Variants in GALNT1 observed in about 807,000 individuals in gnomAD.
GALNT1 encodes GalNAc transferase 1.
A neutral mutation model predicts 65.7 loss-of-function variants in GALNT1; 17 were observed. That is an observed-to-expected ratio of 0.26 (90% CI 0.18 to 0.39). The LOEUF is 0.39. Among genes scored for constraint, GALNT1 ranks in the 10% least tolerant of loss-of-function variants. The probability of loss-of-function intolerance (pLI) is 1.00; values close to 1 mark genes in which losing one functional copy is unlikely to be tolerated. For synonymous variants in GALNT1, 210 were observed against 219.7 expected (o/e 0.96, Z 0.39); for missense variants, 460 against 672.8 (o/e 0.68, Z 3.50).
intron 1 of GALNT1, among the ~76,000 whole-genome samples, chr18:35,584,975 CAAGAT>C (rs1401817545): frequency 1.3e-5 from 2 of 152,172 alleles, no homozygotes; most frequent in Middle Eastern, 3.4e-3. Context: ...GCTGTAGTCT[CAAGAT>C]AACTGGGGGT....
chr18:35,611,470 G>A (rs2046715954), intron 1 of GALNT1, among the ~76,000 whole-genome samples: 2 of 152,134 alleles, frequency 1.3e-5, no homozygotes, highest in Admixed American at 1.3e-4. Context: ...ATAATTTGCA[G>A]CAACCTTAGA....
At chr18:35,634,209 T>C (rs974582038) in intron 1 of GALNT1, among the ~76,000 whole-genome samples, 6 of 152,332 alleles carry the variant, frequency 3.9e-5, no homozygotes, top group East Asian at 3.9e-4. Flanking sequence ...AAGGAAAATA[T>C]GTTTTTCTCA....
chr18:35,588,429 T>TA (rs2046402821), intron 1 of GALNT1, among the ~76,000 whole-genome samples: 1 of 152,210 alleles, frequency 6.6e-6, no homozygotes, highest in African/African-American at 2.4e-5. Flanking sequence ...TTTGGGTTTA[T>TA]ACTGCTTGGG....
At chr18:35,656,887 G>A (rs1406382428) in intron 2 of GALNT1, among the ~76,000 whole-genome samples, 1 of 152,118 alleles carries the variant, frequency 6.6e-6, no homozygotes, top group Non-Finnish European at 1.5e-5. Flanking sequence ...AGATGGAGAG[G>A]AAATAAATAT....
At chr18:35,588,513 G>A (rs183122766) in intron 1 of GALNT1, among the ~76,000 whole-genome samples, 5 of 152,088 alleles carry the variant, frequency 3.3e-5, no homozygotes, top group African/African-American at 1.2e-4. Context: ...TTACTTTTTT[G>A]AGTACTTTTT....
intron 1 of GALNT1, chr18:35,591,853 G>C (rs1488883803): frequency 6.5e-6 from 1 of 154,408 alleles, no homozygotes; most frequent in Non-Finnish European, 1.5e-5. Flanking sequence ...AATGGAATCA[G>C]ATGGTCTCGT....
chr18:35,617,493 TAGAC>T (rs1394702315), intron 1 of GALNT1, among the ~76,000 whole-genome samples: 2 of 152,198 alleles, frequency 1.3e-5, no homozygotes, highest in African/African-American at 4.8e-5. Flanking sequence ...TATATAAAAG[TAGAC>T]AGAACAGTGA....
intron 9 of GALNT1, among the ~76,000 whole-genome samples, chr18:35,701,312 A>G (rs1342347687): frequency 6.6e-6 from 1 of 152,156 alleles, no homozygotes; most frequent in East Asian, 1.9e-4. Context: ...AGGCGATCCT[A>G]CTGTCTTGGC....
At chr18:35,669,927 A>T (rs1356068967) in intron 3 of GALNT1, among the ~76,000 whole-genome samples, 1 of 152,216 alleles carries the variant, frequency 6.6e-6, no homozygotes, top group Non-Finnish European at 1.5e-5. Flanking sequence ...GTTCATTAAA[A>T]TTTTATTATT....
In GALNT1 at chr18:35,639,400, A is replaced by C. The variant is rs538036567; in HGVS notation, c.-103-15160A>C. 2.0e-5 allele frequency among the ~76,000 whole-genome samples: 3 copies of C among 152,328 alleles called. No homozygotes were observed. The South Asian group carries it at 6.2e-4, about 32-fold the overall frequency. ...AAAATTTTTAAATTAAGGTATATAC[A>C]TTACTTTTAAAGACAATGCTGTTGC... is the stretch of plus-strand genomic sequence containing the variant. On this transcript the variant is annotated intron_variant, in intron 1 of 11. Transcript: ENST00000269195.
intron 1 of GALNT1, among the ~76,000 whole-genome samples, chr18:35,640,366 TTAAAG>T (rs1246529294): frequency 1.4e-5 from 2 of 141,388 alleles, no homozygotes; most frequent in East Asian, 3.9e-4. Flanking sequence ...TAGGAAAAAA[TTAAAG>T]TAACAAGTAT....
At chr18:35,698,906 C>A (rs554926604) in intron 9 of GALNT1, among the ~76,000 whole-genome samples, 6 of 151,964 alleles carry the variant, frequency 3.9e-5, no homozygotes, top group African/African-American at 1.5e-4. Flanking sequence ...TGCTTGAACC[C>A]GGGAGGCAGA....
At chr18:35,596,476 G>A (rs1341065702) in intron 1 of GALNT1, 1 of 152,222 alleles carries the variant, frequency 6.6e-6, no homozygotes, top group East Asian at 1.9e-4. Context: ...CTAAAAAAGT[G>A]TGTTGAGCTA....
intron 9 of GALNT1, among the ~76,000 whole-genome samples, chr18:35,699,852 T>C (rs1297624878): frequency 6.6e-6 from 1 of 152,202 alleles, no homozygotes; most frequent in African/African-American, 2.4e-5. Context: ...AACAAGTATG[T>C]GTTGTCACCC....
intron 1 of GALNT1, among the ~76,000 whole-genome samples, chr18:35,599,011 T>C (rs560863058): frequency 6.7e-6 from 1 of 148,756 alleles, no homozygotes; most frequent in East Asian, 2.0e-4. Flanking sequence ...TTTTTTTTCA[T>C]GTACGTGTTG....
chr18:35,618,603 A>G (rs1281520723), intron 1 of GALNT1, among the ~76,000 whole-genome samples: 2 of 152,230 alleles, frequency 1.3e-5, no homozygotes. Flanking sequence ...AAAATAATAC[A>G]AAAGAAATGT....
At chr18:35,675,175 C>A (rs531977860) in intron 3 of GALNT1, among the ~76,000 whole-genome samples, 7 of 152,140 alleles carry the variant, frequency 4.6e-5, no homozygotes, top group Admixed American at 2.0e-4. Flanking sequence ...CAGGTGGTTT[C>A]TTGATTGGAA....
At chr18:35,627,849 A>C (rs2046939015) in intron 1 of GALNT1, among the ~76,000 whole-genome samples, 1 of 152,128 alleles carries the variant, frequency 6.6e-6, no homozygotes, top group Admixed American at 6.6e-5. Context: ...CGGCACCTGG[A>C]ACATCGGGTC....
chr18:35,673,614 C>CTT (rs888838355), intron 3 of GALNT1, among the ~76,000 whole-genome samples: 6 of 152,120 alleles, frequency 3.9e-5, no homozygotes, highest in African/African-American at 1.4e-4. Flanking sequence ...TAGAGTAGGA[C>CTT]TTTTTTAGAG....
Sources: allele counts gnomAD v4.1 joint callset (sites outside exome capture counted in the v4.1 genomes callset), GRCh38; gene constraint gnomAD v4.1.1; transcripts MANE v1.5; gene names NCBI Gene and HGNC (gene_info 2026-07-23, HGNC 2026-07-21).